Variants in RAB27B observed in about 807,000 individuals in gnomAD.
RAB27B encodes RAB27B, member RAS oncogene family.
A neutral mutation model predicts 24.6 loss-of-function variants in RAB27B; 15 were observed. The ratio of observed to expected loss-of-function variants is 0.61; its 90% CI spans 0.41 to 0.94. RAB27B has a LOEUF of 0.94. Ranked by LOEUF, RAB27B falls within the 40% of genes least tolerant of loss-of-function variation. The pLI is 0.00. For missense variants in RAB27B, 261 were observed against 266.8 expected, an observed-to-expected ratio of 0.98 and a Z score of 0.15; for synonymous variants, 105 against 92.5, an observed-to-expected ratio of 1.14 and a Z score of -0.78.
intron 2 of RAB27B, among the ~76,000 whole-genome samples, chr18:54,773,261 G>T (rs1009703124): frequency 2.0e-5 from 3 of 152,162 alleles, no homozygotes; most frequent in Non-Finnish European, 4.4e-5. Context: ...ATTCAATACA[G>T]GGATGCCCAT....
chr18:54,822,963 C>T (rs756519567), intron 2 of RAB27B, among the ~76,000 whole-genome samples: 14 of 152,096 alleles, frequency 9.2e-5, no homozygotes, highest in Non-Finnish European at 1.9e-4. Context: ...CAAATGAGGT[C>T]CAAGTATATC....
At chr18:54,813,815 T>A (rs1283025466) in intron 2 of RAB27B, among the ~76,000 whole-genome samples, 1 of 152,104 alleles carries the variant, frequency 6.6e-6, no homozygotes, top group Non-Finnish European at 1.5e-5. Flanking sequence ...TATCTATACT[T>A]CAACATCCCC....
At chr18:54,820,749 A>G (rs918603964) in intron 2 of RAB27B, among the ~76,000 whole-genome samples, 2 of 152,140 alleles carry the variant, frequency 1.3e-5, no homozygotes, top group African/African-American at 4.8e-5. Context: ...TATGGTTTCA[A>G]TTCTAACATT....
rs543932153 is a variant in RAB27B, at chr18:54,850,172, TA to T, written c.-20+21479del. Among the ~76,000 whole-genome samples the T allele has an allele frequency of 9.2e-3, 1,388 of 151,642 alleles. 16 individuals carry two copies. The highest frequency in any genetic ancestry group is 0.014 in the Non-Finnish European group (974 of 67,904). ...CATATTCTAAAAATATCTTCCTGTC[TA>T]AAAAAACATTTAACAGAGTTTGTCT... On this transcript the variant is annotated intron_variant, in intron 1 of 5. Transcript: ENST00000262094.
At chr18:54,719,173 G>C (rs1004074871) in intron 2 of RAB27B, among the ~76,000 whole-genome samples, 1 of 152,062 alleles carries the variant, frequency 6.6e-6, no homozygotes, top group Non-Finnish European at 1.5e-5. Context: ...AAAAACATTT[G>C]TTAAATAATT....
chr18:54,844,291 A>G (rs1364501999), intron 1 of RAB27B, among the ~76,000 whole-genome samples: 1 of 152,142 alleles, frequency 6.6e-6, no homozygotes, highest in Non-Finnish European at 1.5e-5. Context: ...GTTAAAGTTG[A>G]AGGCAATCCC....
intron 2 of RAB27B, among the ~76,000 whole-genome samples, chr18:54,742,730 A>G (rs371514655): frequency 2.0e-5 from 3 of 152,254 alleles, no homozygotes; most frequent in Admixed American, 6.5e-5. Context: ...AAATCCCTGG[A>G]GTCTAACCAC....
intron 2 of RAB27B, 100 bp downstream of exon 2, chr18:54,877,838 C>T (rs1157949497): frequency 8.3e-7 from 1 of 1,200,490 alleles, no homozygotes; most frequent in South Asian, 1.7e-5. Flanking sequence ...TCTTTTGTCA[C>T]ACGAAATTCA....
intron 2 of RAB27B, among the ~76,000 whole-genome samples, chr18:54,759,519 C>T (rs1417030270): frequency 2.6e-5 from 4 of 152,196 alleles, no homozygotes; most frequent in Non-Finnish European, 5.9e-5. Context: ...TGAGCAATCA[C>T]TAATTAGCTC....
rs186367625 is a variant in RAB27B at position 54,786,867 on chromosome 18, C to A, written c.-20+68726C>A. On this transcript the variant is annotated intron_variant, in intron 2 of 4. Coordinates refer to the RAB27B transcript ENST00000586570. Reference sequence around the variant, plus strand: ...CTATTAAGCGATAAACATGGCCTTACAATTTATTGCAAGGTGTTTGCCTCC... The same window carrying A: ...CTATTAAGCGATAAACATGGCCTTAAAATTTATTGCAAGGTGTTTGCCTCC... Among the ~76,000 whole-genome samples the A allele has an allele frequency of 2.0e-3, 309 of 152,322 alleles. 1 individual carries two copies. Among genetic ancestry groups the A allele is most frequent in the African/African-American group, 7.2e-3 (300 of 41,570 alleles).
chr18:54,813,304 C>T (rs868101283), intron 2 of RAB27B, among the ~76,000 whole-genome samples: 17 of 152,278 alleles, frequency 1.1e-4, no homozygotes, highest in South Asian at 4.1e-4. Flanking sequence ...AGAAAGTTTA[C>T]GTGCCTCATT....
chr18:54,804,882 T>TTATTTCTTTC (rs1159895395), intron 2 of RAB27B, among the ~76,000 whole-genome samples: 5 of 43,340 alleles, frequency 1.2e-4, no homozygotes, highest in African/African-American at 4.0e-4. Flanking sequence ...TCTTTTTTCT[T>TTATTTCTTTC]TCTTTCTTTC....
intron 2 of RAB27B, among the ~76,000 whole-genome samples, chr18:54,734,621 T>C (rs901690209): frequency 6.6e-6 from 1 of 152,172 alleles, no homozygotes; most frequent in African/African-American, 2.4e-5. Context: ...CCAAAGCCTT[T>C]TTAAAAAGCA....
chr18:54,880,157 T>C (rs1912866203), intron 3 of RAB27B: 1 of 152,282 alleles, frequency 6.6e-6, no homozygotes, highest in Admixed American at 6.5e-5. Context: ...ACTGATTCAC[T>C]TGGGGCCTTC....
At chr18:54,834,788 A>G (rs369655452) in intron 1 of RAB27B, among the ~76,000 whole-genome samples, 6 of 150,146 alleles carry the variant, frequency 4.0e-5, no homozygotes, top group East Asian at 1.9e-4. Flanking sequence ...GGGAAAAAGC[A>G]TAAGACTTTA....
intron 2 of RAB27B, among the ~76,000 whole-genome samples, chr18:54,799,766 A>G (rs1909542523): frequency 1.3e-5 from 2 of 151,476 alleles, no homozygotes; most frequent in African/African-American, 4.9e-5. Context: ...AGTAGATGGG[A>G]TTACAGGCGT....
rs1189515326 is a variant in RAB27B at position 54,848,055 on chromosome 18, GCTCTGTGTTTGC to G, written c.-20+19358_-20+19369del. ...ACAGAAACAACTGGATTGGTTACAA[GCTCTGTGTTTGC>G]CTTATTTGAACAACGATTTGAACAG... On this transcript the variant is annotated intron_variant, in intron 1 of 5. Coordinates refer to ENST00000262094, the MANE Select transcript of RAB27B (RefSeq NM_004163.4). Among the ~76,000 whole-genome samples, 3 of 152,310 alleles carry G rather than the reference GCTCTGTGTTTGC, an allele frequency of 2.0e-5. No homozygotes were observed. In the East Asian group the frequency reaches 5.8e-4, roughly 29 times the overall value.
At chr18:54,727,922 A>T (rs1392829011) in intron 2 of RAB27B, among the ~76,000 whole-genome samples, 1 of 152,148 alleles carries the variant, frequency 6.6e-6, no homozygotes, top group South Asian at 2.1e-4. Flanking sequence ...AGCTAGCCGG[A>T]TGAGATAATC....
intron 2 of RAB27B, among the ~76,000 whole-genome samples, chr18:54,719,871 A>G (rs1478029279): frequency 3.3e-5 from 5 of 152,108 alleles, no homozygotes. Context: ...AATGATTTGC[A>G]GCCTTAAACT....
Sources: allele counts gnomAD v4.1 joint callset (sites outside exome capture counted in the v4.1 genomes callset), GRCh38; gene constraint gnomAD v4.1.1; transcripts MANE v1.5; gene names NCBI Gene and HGNC (gene_info 2026-07-23, HGNC 2026-07-21).